NCOA7: variants seen among roughly 807,000 people sequenced by gnomAD.
The protein encoded by NCOA7 is nuclear receptor coactivator 7.
A neutral mutation model predicts 104.3 loss-of-function variants in NCOA7; 45 were observed. That is an observed-to-expected ratio of 0.43 (90% CI 0.34 to 0.55). The LOEUF (loss-of-function observed/expected upper bound fraction) is 0.55, where lower values mean the gene tolerates loss of function less well. Ranked by LOEUF, NCOA7 falls within the 20% of genes least tolerant of loss-of-function variation. The probability of loss-of-function intolerance (pLI) is 0.02; values close to 1 mark genes in which losing one functional copy is unlikely to be tolerated. For missense variants in NCOA7, 1,041 were observed against 1,119.7 expected (o/e 0.93, Z 1.00); for synonymous variants, 398 against 402.3 (o/e 0.99, Z 0.13).
chr6:125,915,078 C>T (rs1349257788), intron 10 of NCOA7, among the ~76,000 whole-genome samples: 1 of 152,176 alleles, frequency 6.6e-6, no homozygotes, highest in Non-Finnish European at 1.5e-5. Context: ...TTCAGTTTTA[C>T]ATTCCATCTC....
At chr6:125,832,192 C>T (rs903252060) in intron 2 of NCOA7, among the ~76,000 whole-genome samples, 1 of 152,116 alleles carries the variant, frequency 6.6e-6, no homozygotes, top group African/African-American at 2.4e-5. Context: ...AAATTTCTAC[C>T]AATAATTTCA....
At chr6:125,894,589 A>G (rs1784860691) in intron 10 of NCOA7, among the ~76,000 whole-genome samples, 1 of 152,216 alleles carries the variant, frequency 6.6e-6, no homozygotes. Context: ...TTTAAAGTTC[A>G]ATGCAGAGGA....
Position 125,920,990 on chromosome 6 carries a change from C to A in NCOA7, c.2292C>A (p.Tyr764Ter). ...AGCGCAGGAAGAGCACATGCAGCTACTATGAAGACGAGGACGAAGAGGTGC... is the reference window on the plus strand; with the variant it reads ...AGCGCAGGAAGAGCACATGCAGCTAATATGAAGACGAGGACGAAGAGGTGC... ...EAKRRKSTCS[Y>*]YEDEDEEVLP... is the part of the protein sequence containing the mutation. Residue 764 changes from tyrosine (Y) to a stop codon, truncating the protein, a stop_gained, in exon 12 of 16, where the codon TAC becomes TAA. Transcript: ENST00000392477. LOFTEE classifies it high-confidence loss of function. 6.2e-7 allele frequency: 1 copy of A among 1,613,902 alleles called. No individual in the cohort carries two copies.
At chr6:125,843,166 A>G (rs1197694206) in intron 2 of NCOA7, among the ~76,000 whole-genome samples, 3 of 152,186 alleles carry the variant, frequency 2.0e-5, no homozygotes, top group South Asian at 2.1e-4. Flanking sequence ...GATTGTCTGA[A>G]TGGGTCCTAT....
chr6:125,868,108 A>G (rs1782587593), intron 3 of NCOA7, among the ~76,000 whole-genome samples: 1 of 151,864 alleles, frequency 6.6e-6, no homozygotes, highest in Admixed American at 6.5e-5. Flanking sequence ...CTCTATTCTT[A>G]GTTTTCTAAC....
At chr6:125,885,925 G>C (rs1434093194) in intron 8 of NCOA7, among the ~76,000 whole-genome samples, 4 of 152,036 alleles carry the variant, frequency 2.6e-5, no homozygotes, top group African/African-American at 4.8e-5. Context: ...GCCTTATAAT[G>C]CTGGATTTAT....
At chr6:125,812,444 G>A (rs528546799) in intron 1 of NCOA7, among the ~76,000 whole-genome samples, 100 of 152,268 alleles carry the variant, frequency 6.6e-4, no homozygotes, top group African/African-American at 2.3e-3. Flanking sequence ...ACTCTTTGAG[G>A]GTGAAGCCCA....
At chr6:125,800,388 C>G (rs1775776068) in intron 1 of NCOA7, among the ~76,000 whole-genome samples, 1 of 152,026 alleles carries the variant, frequency 6.6e-6, no homozygotes, top group Admixed American at 6.5e-5. Flanking sequence ...AGTTATGTGC[C>G]TTATAATTAT....
chr6:125,789,191 A>C (rs1291009124), upstream of NCOA7, among the ~76,000 whole-genome samples: 1 of 152,212 alleles, frequency 6.6e-6, no homozygotes, highest in African/African-American at 2.4e-5. Context: ...CATAAATAAT[A>C]ATAGTTATCT....
intron 2 of NCOA7, among the ~76,000 whole-genome samples, chr6:125,839,835 G>T (rs1243245474): frequency 6.6e-6 from 1 of 152,088 alleles, no homozygotes; most frequent in Non-Finnish European, 1.5e-5. Flanking sequence ...TGTACTGCCA[G>T]CTGTGGAAAA....
chr6:125,861,021 G>A (rs1000300140), intron 3 of NCOA7, among the ~76,000 whole-genome samples: 7 of 152,086 alleles, frequency 4.6e-5, no homozygotes, highest in Admixed American at 1.3e-4. Context: ...TGTGATTATC[G>A]TAGTCAAAGA....
intron 1 of NCOA7, among the ~76,000 whole-genome samples, chr6:125,813,597 C>T (rs1312534888): frequency 6.6e-6 from 1 of 151,716 alleles, no homozygotes; most frequent in South Asian, 2.1e-4. Context: ...ATTACAGGCA[C>T]CTGCCACCAC....
chr6:125,903,953 A>T (rs1181044667), intron 10 of NCOA7, among the ~76,000 whole-genome samples: 1 of 151,970 alleles, frequency 6.6e-6, no homozygotes. Flanking sequence ...TGAACTGCCC[A>T]CCTCAGCCTC....
chr6:125,815,456 G>A, intron 2 of NCOA7, 52 bp downstream of exon 2: 1 of 1,469,734 alleles, frequency 6.8e-7, no homozygotes, highest in Non-Finnish European at 9.4e-7. Flanking sequence ...AAATATTTGA[G>A]GGGACTTTGT....
chr6:125,865,158 G>A (rs867884594), intron 3 of NCOA7, among the ~76,000 whole-genome samples: 6 of 138,676 alleles, frequency 4.3e-5, no homozygotes, highest in South Asian at 2.2e-4. Context: ...TAACTGGCCA[G>A]GGATCCACTG....
intron 3 of NCOA7, among the ~76,000 whole-genome samples, chr6:125,872,333 A>G (rs1440532225): frequency 6.6e-6 from 1 of 152,234 alleles, no homozygotes; most frequent in Non-Finnish European, 1.5e-5. Context: ...CATTGGGACC[A>G]GAGATATCTA....
At chr6:125,908,525 A>G (rs1184321628) in intron 10 of NCOA7, among the ~76,000 whole-genome samples, 1 of 152,196 alleles carries the variant, frequency 6.6e-6, no homozygotes, top group African/African-American at 2.4e-5. Flanking sequence ...ACCCTAATTC[A>G]TCAGAGAAGC....
intron 14 of NCOA7, 79 bp downstream of exon 14, chr6:125,927,837 C>G: frequency 8.5e-7 from 1 of 1,179,506 alleles, no homozygotes; most frequent in Non-Finnish European, 1.3e-6. Flanking sequence ...ATTGGGGCAG[C>G]TAGCTGTCCT....
rs1198165391 is a variant in NCOA7, at chr6:125,929,145, C to T, written c.*374C>T. The T allele has an allele frequency of 6.4e-6, 1 of 156,582 alleles. No homozygotes were observed. The highest frequency in any genetic ancestry group is 2.4e-5 in the African/African-American group (1 of 41,422). 9.7% of individuals were successfully genotyped at this position (156,582 alleles called of 1,614,324 possible). ...CTTGTGTATTTATCAGCATAATTTT[C>T]ATTACCAAAATGTACAGCTATTATT... On this transcript the variant is annotated 3_prime_UTR_variant, in exon 16 of 16. Coordinates refer to ENST00000392477, the MANE Select transcript of NCOA7 (RefSeq NM_181782.5).
Sources: allele counts gnomAD v4.1 joint callset (sites outside exome capture counted in the v4.1 genomes callset), GRCh38; gene constraint gnomAD v4.1.1; transcripts MANE v1.5; gene names NCBI Gene and HGNC (gene_info 2026-07-23, HGNC 2026-07-21).